Variants in HSD17B2 observed in about 807,000 individuals in gnomAD.
The protein encoded by HSD17B2 is 17-beta-hydroxysteroid dehydrogenase type 2.
Under a neutral mutation model 26.9 loss-of-function variants are expected in HSD17B2, and 32 were observed. That is an observed-to-expected ratio of 1.19 (90% CI 0.90 to 1.60). The LOEUF (loss-of-function observed/expected upper bound fraction) is 1.60. Ranked by LOEUF, HSD17B2 falls within the 40% of genes most tolerant of loss-of-function variation. The pLI is 0.00. For synonymous variants in HSD17B2, 246 were observed against 186.7 expected (o/e 1.32, Z -2.59); for missense variants, 613 against 468.6 (o/e 1.31, Z -2.85).
intron 3 of HSD17B2, 197 bp downstream of exon 3, chr16:82,071,324 A>G: frequency 1.5e-6 from 1 of 646,714 alleles, no homozygotes; most frequent in Non-Finnish European, 2.8e-6. Flanking sequence ...AGAAACTCTT[A>G]TCTGCCTTCT....
At chr16:82,064,017 A>T (rs1914513577) in intron 1 of HSD17B2, among the ~76,000 whole-genome samples, 2 of 152,188 alleles carry the variant, frequency 1.3e-5, no homozygotes, top group Admixed American at 1.3e-4. Context: ...AGTTCTTTGC[A>T]GTGAGCTGTT....
At chr16:82,077,295 C>T (rs967351761) in intron 3 of HSD17B2, among the ~76,000 whole-genome samples, 2 of 152,312 alleles carry the variant, frequency 1.3e-5, no homozygotes, top group Admixed American at 6.5e-5. Flanking sequence ...ACCAAAACAG[C>T]ATGGTACCAG....
At position 82,098,165 on chromosome 16, in the gene HSD17B2, A is replaced by G. The variant is rs748778772; in HGVS notation, c.893A>G (p.Asp298Gly). The G allele has an allele frequency of 6.2e-7, 1 of 1,614,072 alleles. No homozygotes were observed. Among genetic ancestry groups the G allele is most frequent in the African/African-American group, 1.3e-5 (1 of 75,008 alleles). ...PAEVQEDYGQ[D>G]YILAQRNFLL... is the part of the protein sequence containing the mutation. ...GAGGTACAGGAAGACTACGGCCAGGACTACATCTTAGCACAGCGGAATTTC... is the reference window on the plus strand; with the variant it reads ...GAGGTACAGGAAGACTACGGCCAGGGCTACATCTTAGCACAGCGGAATTTC... The change falls in exon 5 of 5, where the codon GAC becomes GGC. Residue 298 changes from aspartate to glycine, a missense_variant. Asp to Gly is a moderately conservative substitution (Grantham distance 94, BLOSUM62 -1). Coordinates refer to ENST00000199936, the MANE Select transcript of HSD17B2 (RefSeq NM_002153.3).
At position 82,098,379 on chromosome 16, in the gene HSD17B2, A is replaced by G. The variant is rs375403906; in HGVS notation, c.1107A>G (p.Gln369=). ...YDYFAKRHFG[Q]DKPMPRALRM... is the part of the protein sequence containing the mutation. ...ACTTTGCTAAAAGACATTTTGGCCAAGACAAGCCCATGCCCAGAGCTCTAA... is the reference window on the plus strand; with the variant it reads ...ACTTTGCTAAAAGACATTTTGGCCAGGACAAGCCCATGCCCAGAGCTCTAA... Residue 369 remains glutamine, a synonymous_variant, in exon 5 of 5, where the codon CAA becomes CAG. Transcript: ENST00000199936. 7.4e-6 allele frequency: 12 copies of G among 1,614,020 alleles called. No homozygotes were observed. The Admixed American group carries it at 1.3e-4, about 18-fold the overall frequency.
intron 1 of HSD17B2, among the ~76,000 whole-genome samples, chr16:82,065,587 A>AGGGTGT (rs1446730879): frequency 3.9e-5 from 6 of 152,364 alleles, no homozygotes; most frequent in Non-Finnish European, 7.3e-5. Flanking sequence ...CTCACCCAGC[A>AGGGTGT]GGGTGTGTAT....
chr16:82,052,764 G>A (rs778290317), intron 1 of HSD17B2, among the ~76,000 whole-genome samples: 16 of 152,228 alleles, frequency 1.1e-4, no homozygotes, highest in Non-Finnish European at 2.4e-4. Flanking sequence ...TGTAGTAGGA[G>A]ACAGGTAGTT....
intron 4 of HSD17B2, chr16:82,092,284 G>A (rs1298511879): frequency 6.6e-6 from 1 of 151,980 alleles, no homozygotes; most frequent in East Asian, 1.9e-4. Context: ...TCCACCCCAA[G>A]AGGAGAAGGC....
At chr16:82,087,788 T>C (rs1318250870) in intron 3 of HSD17B2, among the ~76,000 whole-genome samples, 3 of 152,110 alleles carry the variant, frequency 2.0e-5, no homozygotes, top group African/African-American at 7.2e-5. Context: ...GTGAGGGTCT[T>C]CTTGCTGTGC....
rs574076240 is a variant in HSD17B2 at position 82,059,726 on chromosome 16, C to A, written c.266-8444C>A. On this transcript the variant is annotated intron_variant, in intron 1 of 4. Transcript: ENST00000199936. ...TCAGAAGTTAAAAGTGGCACCGGGA[C>A]AGTACAGGAATGTGTTTTGCAAAGA... Among the ~76,000 whole-genome samples, 4 of 152,206 alleles carry A rather than the reference C, an allele frequency of 2.6e-5. 1 individual carries two copies. The highest frequency in any genetic ancestry group is 9.6e-5 in the African/African-American group (4 of 41,524).
At chr16:82,087,924 T>A (rs1904575700) in intron 3 of HSD17B2, among the ~76,000 whole-genome samples, 1 of 152,124 alleles carries the variant, frequency 6.6e-6, no homozygotes, top group Admixed American at 6.6e-5. Context: ...ATTCACCCCA[T>A]CCTCAACGCC....
chr16:82,039,693 G>A (rs1234792836), intron 1 of HSD17B2, among the ~76,000 whole-genome samples: 1 of 152,082 alleles, frequency 6.6e-6, no homozygotes, highest in Non-Finnish European at 1.5e-5. Context: ...TCTAAGCTTG[G>A]CAGGAGATGC....
chr16:82,082,608 C>A (rs1229914600), intron 3 of HSD17B2, among the ~76,000 whole-genome samples: 1 of 152,088 alleles, frequency 6.6e-6, no homozygotes, highest in Non-Finnish European at 1.5e-5. Context: ...GTCACTTAAA[C>A]CCTATACACT....
At chr16:82,058,777 A>G (rs890072014) in intron 1 of HSD17B2, among the ~76,000 whole-genome samples, 3 of 152,188 alleles carry the variant, frequency 2.0e-5, no homozygotes, top group African/African-American at 7.2e-5. Flanking sequence ...TGTTCCTATT[A>G]AAAAATGAAG....
At chr16:82,096,095 CT>C (rs1904830512) in intron 4 of HSD17B2, 1 of 151,906 alleles carries the variant, frequency 6.6e-6, no homozygotes, top group African/African-American at 2.4e-5. Flanking sequence ...TATATTTATA[CT>C]TAATTGCATG....
At chr16:82,090,858 G>C in intron 3 of HSD17B2, 44 bp from the exon 4 acceptor site, 1 of 1,545,192 alleles carries the variant, frequency 6.5e-7, no homozygotes, top group Non-Finnish European at 8.8e-7. Context: ...ATGAACAAAT[G>C]AACATTTCTA....
intron 1 of HSD17B2, among the ~76,000 whole-genome samples, chr16:82,062,349 C>T (rs1360627555): frequency 1.3e-5 from 2 of 152,148 alleles, no homozygotes; most frequent in East Asian, 3.9e-4. Flanking sequence ...TTTTCTCTGC[C>T]CTGTTGAGCA....
intron 3 of HSD17B2, among the ~76,000 whole-genome samples, chr16:82,088,810 T>C (rs141003125): frequency 8.9e-4 from 135 of 152,294 alleles, no homozygotes; most frequent in African/African-American, 3.1e-3. Context: ...GTGTTAAAAT[T>C]ATATCAGTTA....
At chr16:82,066,000 T>C (rs1475581058) in intron 1 of HSD17B2, among the ~76,000 whole-genome samples, 3 of 152,222 alleles carry the variant, frequency 2.0e-5, no homozygotes, top group Non-Finnish European at 4.4e-5. Context: ...AACTTGCCAG[T>C]GTCCAGCATC....
chr16:82,047,408 C>A (rs1404252245), intron 1 of HSD17B2, among the ~76,000 whole-genome samples: 2 of 152,312 alleles, frequency 1.3e-5, no homozygotes, highest in East Asian at 1.9e-4. Flanking sequence ...TCCATTCATT[C>A]GTTATTTCAC....
Sources: allele counts gnomAD v4.1 joint callset (sites outside exome capture counted in the v4.1 genomes callset), GRCh38; gene constraint gnomAD v4.1.1; transcripts MANE v1.5; gene names NCBI Gene and HGNC (gene_info 2026-07-23, HGNC 2026-07-21).